The following MIS18A variants were observed in gnomAD, a reference collection of about 807,000 sequenced individuals.
MIS18A encodes protein Mis18-alpha.
MIS18A carries 14 observed loss-of-function variants against 25.0 expected under a neutral mutation model. The ratio of observed to expected loss-of-function variants is 0.56; its 90% CI spans 0.37 to 0.88. The LOEUF is 0.88. MIS18A is among the 40% of genes least tolerant of loss of function. The pLI is 0.00. For missense variants in MIS18A, 292 were observed against 290.8 expected (o/e 1.00, Z -0.03); for synonymous variants, 134 against 118.6 (o/e 1.13, Z -0.84).
At chr21:32,236,308 G>A in the MIS18A span, among the ~76,000 whole-genome samples, 29 of 152,130 alleles carry the variant, frequency 1.9e-4, no homozygotes, top group African/African-American at 5.1e-4. Flanking sequence ...GCGTGAACCC[G>A]GGAGGTGGAG....
chr21:32,200,913 C>A, the MIS18A span, among the ~76,000 whole-genome samples: 19 of 152,196 alleles, frequency 1.2e-4, no homozygotes, highest in Non-Finnish European at 2.5e-4. Flanking sequence ...GCAGGAGAAC[C>A]AGAGGATGAC....
chr21:32,265,759 G>A (rs917360975), downstream of MIS18A, among the ~76,000 whole-genome samples: 8 of 152,260 alleles, frequency 5.3e-5, no homozygotes, highest in Non-Finnish European at 8.8e-5. Context: ...CTGCAGCCCC[G>A]GTGCGGGATC....
At chr21:32,270,324 A>AATAC in intron 3 of MIS18A, 83 bp downstream of exon 3, 1 of 1,479,396 alleles carries the variant, frequency 6.8e-7, no homozygotes, top group South Asian at 1.2e-5. Flanking sequence ...TTAACCAAAC[A>AATAC]GTATTGATTT....
chr21:32,177,829 A>G, the MIS18A span, among the ~76,000 whole-genome samples: 2 of 152,144 alleles, frequency 1.3e-5, no homozygotes, highest in Non-Finnish European at 2.9e-5. Flanking sequence ...GAAAGAGTCA[A>G]TATTATGCAG....
the MIS18A span, among the ~76,000 whole-genome samples, chr21:32,221,984 G>A: frequency 6.6e-6 from 1 of 152,008 alleles, no homozygotes; most frequent in Non-Finnish European, 1.5e-5. Context: ...CCAATTAAAA[G>A]ACTCAGACTG....
chr21:32,252,339 T>C, the MIS18A span, among the ~76,000 whole-genome samples: 4 of 109,424 alleles, frequency 3.7e-5, no homozygotes. Flanking sequence ...AAGGAAAGAA[T>C]GAATGAAGGC....
the MIS18A span, among the ~76,000 whole-genome samples, chr21:32,167,156 G>T: frequency 6.6e-6 from 1 of 152,164 alleles, no homozygotes; most frequent in Non-Finnish European, 1.5e-5. Flanking sequence ...GTATTGAGAT[G>T]TTCTTCTCTT....
At chr21:32,273,362 G>A (rs957027237) in intron 2 of MIS18A, among the ~76,000 whole-genome samples, 2 of 151,986 alleles carry the variant, frequency 1.3e-5, no homozygotes, top group Non-Finnish European at 1.5e-5. Flanking sequence ...GGTTGGGGTA[G>A]GGCCAAAACT....
chr21:32,277,583 G>C (rs980868932), intron 1 of MIS18A, among the ~76,000 whole-genome samples: 3 of 152,308 alleles, frequency 2.0e-5, no homozygotes, highest in Non-Finnish European at 2.9e-5. Context: ...CTCCGGAGTG[G>C]CTAGGATTAC....
the MIS18A span, among the ~76,000 whole-genome samples, chr21:32,200,435 CT>C: frequency 0.26 from 35,165 of 136,778 alleles, 4,896 homozygotes; most frequent in African/African-American, 0.47. Flanking sequence ...AAGGCTTTTT[CT>C]TTTTTTTTTT....
At chr21:32,195,014 A>G in the MIS18A span, among the ~76,000 whole-genome samples, 2 of 152,218 alleles carry the variant, frequency 1.3e-5, no homozygotes, top group East Asian at 1.9e-4. Flanking sequence ...ACATAACACA[A>G]TTGCACTTGT....
the MIS18A span, among the ~76,000 whole-genome samples, chr21:32,226,424 C>G: frequency 1.3e-5 from 2 of 151,740 alleles, no homozygotes; most frequent in African/African-American, 2.4e-5. Context: ...ACCATTCATA[C>G]AAAAGAGAGT....
intron 1 of MIS18A, chr21:32,277,830 A>T (rs1011572904): frequency 6.6e-6 from 1 of 152,176 alleles, no homozygotes; most frequent in Non-Finnish European, 1.5e-5. Context: ...ACTTTCAGTT[A>T]ACTACTGGAC....
the MIS18A span, among the ~76,000 whole-genome samples, chr21:32,236,032 C>T: frequency 6.6e-6 from 1 of 151,822 alleles, no homozygotes; most frequent in Non-Finnish European, 1.5e-5. Flanking sequence ...ATAACCTGGC[C>T]TTTTTTTCTC....
chr21:32,230,638 A>G, the MIS18A span, among the ~76,000 whole-genome samples: 1 of 152,218 alleles, frequency 6.6e-6, no homozygotes, highest in Non-Finnish European at 1.5e-5. Context: ...TTCAATGGAA[A>G]AAGAATATTA....
the MIS18A span, among the ~76,000 whole-genome samples, chr21:32,262,578 A>C: frequency 1.3e-5 from 2 of 152,160 alleles, no homozygotes; most frequent in African/African-American, 4.8e-5. Flanking sequence ...CAGTTGGTTC[A>C]TGGTCTCACT....
chr21:32,191,559 A>G, the MIS18A span, among the ~76,000 whole-genome samples: 23,034 of 152,138 alleles, frequency 0.15, 1,856 homozygotes, highest in East Asian at 0.24. Context: ...TTCCAGCCCT[A>G]GGTGACAGAG....
At chr21:32,265,741 A>G (rs2031586311), downstream of MIS18A, among the ~76,000 whole-genome samples, 1 of 152,278 alleles carries the variant, frequency 6.6e-6, no homozygotes, top group South Asian at 2.1e-4. Flanking sequence ...ACGGGCAGGC[A>G]GCTCCACCTG....
At chr21:32,263,473 C>T (rs151331249), downstream of MIS18A, among the ~76,000 whole-genome samples, 154 of 152,282 alleles carry the variant, frequency 1.0e-3, no homozygotes, top group Non-Finnish European at 1.7e-3. Flanking sequence ...TGGTGGCACG[C>T]GCCTGTAGTC....
Sources: allele counts gnomAD v4.1 joint callset (sites outside exome capture counted in the v4.1 genomes callset), GRCh38; gene constraint gnomAD v4.1.1; transcripts MANE v1.5; gene names NCBI Gene and HGNC (gene_info 2026-07-23, HGNC 2026-07-21).